Variants in FAM81A observed in about 807,000 individuals in gnomAD.
FAM81A encodes the protein family with sequence similarity 81 member A.
A neutral mutation model predicts 46.7 loss-of-function variants in FAM81A; 19 were observed. The ratio of observed to expected loss-of-function variants is 0.41; its 90% CI spans 0.28 to 0.60. The LOEUF (loss-of-function observed/expected upper bound fraction) is 0.60, where lower values mean the gene tolerates loss of function less well. Among genes scored for constraint, FAM81A ranks in the 20% least tolerant of loss-of-function variants. The pLI is 0.34. For missense variants in FAM81A, 377 were observed against 453.5 expected (o/e 0.83, Z 1.53); for synonymous variants, 183 against 152.9 (o/e 1.20, Z -1.45).
At chr15:59,488,803 C>G (rs2081949879) in intron 3 of FAM81A, among the ~76,000 whole-genome samples, 1 of 151,748 alleles carries the variant, frequency 6.6e-6, no homozygotes, top group African/African-American at 2.4e-5. Context: ...ATGGCGAAAC[C>G]CTGTCTCTAC....
intron 3 of FAM81A, among the ~76,000 whole-genome samples, chr15:59,474,780 C>T (rs994011914): frequency 2.0e-5 from 3 of 152,172 alleles, no homozygotes; most frequent in Non-Finnish European, 4.4e-5. Context: ...GTGAAGTGGC[C>T]TGAGGTATCA....
upstream of FAM81A, among the ~76,000 whole-genome samples, chr15:59,437,959 G>C (rs1046071710): frequency 3.3e-5 from 5 of 151,960 alleles, no homozygotes; most frequent in Non-Finnish European, 7.4e-5. Flanking sequence ...TTGGGTGTGG[G>C]AACGAGGAGG....
At chr15:59,474,300 G>A (rs970570678) in intron 3 of FAM81A, among the ~76,000 whole-genome samples, 1 of 152,122 alleles carries the variant, frequency 6.6e-6, no homozygotes, top group South Asian at 2.1e-4. Flanking sequence ...CCTGAGATTG[G>A]GTAATTTATA....
At chr15:59,433,405 T>C (rs2081229639), upstream of FAM81A, among the ~76,000 whole-genome samples, 1 of 152,124 alleles carries the variant, frequency 6.6e-6, no homozygotes, top group Non-Finnish European at 1.5e-5. Flanking sequence ...ATTATCTAAG[T>C]TAAGACGTAA....
At chr15:59,449,566 G>A (rs1285027414) in intron 1 of FAM81A, among the ~76,000 whole-genome samples, 3 of 152,118 alleles carry the variant, frequency 2.0e-5, no homozygotes, top group Non-Finnish European at 2.9e-5. Flanking sequence ...CGGATCACGA[G>A]GTCAGGAGAT....
At chr15:59,423,100 T>C (rs1320574976) in intron 2 of FAM81A, among the ~76,000 whole-genome samples, 3 of 152,168 alleles carry the variant, frequency 2.0e-5, no homozygotes, top group East Asian at 3.9e-4. Context: ...TTTTTATTTT[T>C]TAATTTTTAC....
Position 59,449,720 on chromosome 15 carries a change from T to A in FAM81A, c.-77-8830T>A, listed in dbSNP as rs1436942109. On this transcript the variant is annotated intron_variant, in intron 1 of 8. Coordinates refer to ENST00000288228, the MANE Select transcript of FAM81A (RefSeq NM_152450.3). Reference sequence around the variant, plus strand: ...TGGCGTGAACCCGGGAAGCGGAGCTTGCAGTGAGCCGAGATCGCGCCACTG... The same window carrying A: ...TGGCGTGAACCCGGGAAGCGGAGCTAGCAGTGAGCCGAGATCGCGCCACTG... Among the ~76,000 whole-genome samples, 5 of 131,860 alleles carry A rather than the reference T, an allele frequency of 3.8e-5. No homozygotes were observed. The Admixed American group carries it at 4.8e-4, about 13-fold the overall frequency. 86.5% of individuals were successfully genotyped at this position (131,860 alleles called of 152,430 possible).
chr15:59,465,248 A>G (rs979775039), intron 3 of FAM81A, among the ~76,000 whole-genome samples: 3 of 152,122 alleles, frequency 2.0e-5, no homozygotes, highest in Admixed American at 1.3e-4. Flanking sequence ...TGGTAGTGTG[A>G]TGCCTCTGGC....
intron 4 of FAM81A, among the ~76,000 whole-genome samples, chr15:59,506,336 G>T (rs1335809852): frequency 6.6e-6 from 1 of 152,140 alleles, no homozygotes; most frequent in African/African-American, 2.4e-5. Flanking sequence ...GAGAGTTGGT[G>T]CAGTAGCAGG....
rs150825306 is a variant in FAM81A, at chr15:59,422,703, C to T, written c.-78+20345C>T. 1.2e-3 allele frequency among the ~76,000 whole-genome samples: 187 copies of T among 152,244 alleles called. 2 individuals carry two copies. The highest frequency in any genetic ancestry group is 2.9e-4 in the Non-Finnish European group (20 of 68,024). ...GTGTTAACCAGGATGGTCTCAATCTCCTGACCTCATGATCTGTCTGTCTCA... is the reference window on the plus strand; with the variant it reads ...GTGTTAACCAGGATGGTCTCAATCTTCTGACCTCATGATCTGTCTGTCTCA... On this transcript the variant is annotated intron_variant, in intron 2 of 4. Coordinates refer to the FAM81A transcript ENST00000558348.
At chr15:59,433,970 C>G (rs1201028705), upstream of FAM81A, among the ~76,000 whole-genome samples, 1 of 152,190 alleles carries the variant, frequency 6.6e-6, no homozygotes, top group Non-Finnish European at 1.5e-5. Context: ...ATTCTCGTGT[C>G]TCAGTGTCCC....
chr15:59,457,008 T>A (rs183509803), intron 1 of FAM81A, among the ~76,000 whole-genome samples: 1 of 152,356 alleles, frequency 6.6e-6, no homozygotes, highest in African/African-American at 2.4e-5. Flanking sequence ...TTCTGTAGAT[T>A]AATATCTCAA....
At chr15:59,481,026 G>T (rs1431426081) in intron 3 of FAM81A, among the ~76,000 whole-genome samples, 1 of 152,058 alleles carries the variant, frequency 6.6e-6, no homozygotes, top group Admixed American at 6.6e-5. Context: ...ACAGGGTCTT[G>T]CTCTGTTGCT....
intron 1 of FAM81A, among the ~76,000 whole-genome samples, chr15:59,446,171 C>T (rs1456550930): frequency 1.3e-5 from 2 of 152,008 alleles, no homozygotes; most frequent in African/African-American, 4.8e-5. Context: ...ATGTGGTTTC[C>T]GCTGCCCTAC....
chr15:59,516,495 G>A (rs1384548029), intron 7 of FAM81A, 150 bp from the exon 8 acceptor site: 2 of 720,518 alleles, frequency 2.8e-6, no homozygotes, highest in African/African-American at 3.6e-5. Flanking sequence ...TGTTAAGGAA[G>A]AAAGGGAGAA....
At chr15:59,480,450 A>T (rs773504196) in intron 3 of FAM81A, among the ~76,000 whole-genome samples, 2 of 152,182 alleles carry the variant, frequency 1.3e-5, no homozygotes, top group Non-Finnish European at 2.9e-5. Flanking sequence ...AGGCTCCCAC[A>T]GAAGTCCCTA....
At chr15:59,404,963 G>A (rs562021097) in intron 2 of FAM81A, among the ~76,000 whole-genome samples, 14 of 152,278 alleles carry the variant, frequency 9.2e-5, no homozygotes, top group African/African-American at 2.6e-4. Flanking sequence ...AGCTACACTG[G>A]CTTCTTTGTG....
chr15:59,502,276 C>G (rs2141797180), intron 4 of FAM81A, among the ~76,000 whole-genome samples: 1 of 151,450 alleles, frequency 6.6e-6, no homozygotes, highest in South Asian at 2.1e-4. Context: ...TGGTGTGCTG[C>G]ACCCATTAAC....
At position 59,414,506 on chromosome 15, in the gene FAM81A, T is replaced by C. The variant is rs150599869; in HGVS notation, c.-78+12148T>C. Among the ~76,000 whole-genome samples, 224 of 152,190 alleles carry C rather than the reference T, an allele frequency of 1.5e-3. 1 individual carries two copies. Among genetic ancestry groups the C allele is most frequent in the African/African-American group, 4.8e-3 (201 of 41,508 alleles). On this transcript the variant is annotated intron_variant, in intron 2 of 4. Transcript: ENST00000558348. ...GAGAGAGGAGGAGGTATGTAGGCAATTTAGGAGAGAGTAAGTGATTTTGGA... is the reference window on the plus strand; with the variant it reads ...GAGAGAGGAGGAGGTATGTAGGCAACTTAGGAGAGAGTAAGTGATTTTGGA...
Sources: allele counts gnomAD v4.1 joint callset (sites outside exome capture counted in the v4.1 genomes callset), GRCh38; gene constraint gnomAD v4.1.1; transcripts MANE v1.5; gene names NCBI Gene and HGNC (gene_info 2026-07-23, HGNC 2026-07-21).